Variants in CLOCK observed in about 807,000 individuals in gnomAD.
The protein encoded by CLOCK is circadian locomoter output cycles protein kaput.
Under a neutral mutation model 118.4 loss-of-function variants are expected in CLOCK, and 43 were observed. That is an observed-to-expected ratio of 0.36 (90% CI 0.28 to 0.47). The LOEUF (loss-of-function observed/expected upper bound fraction) is 0.47. Among genes scored for constraint, CLOCK ranks in the 20% least tolerant of loss-of-function variants. The probability of loss-of-function intolerance (pLI) is 1.00; values close to 1 mark genes in which losing one functional copy is unlikely to be tolerated. For synonymous variants in CLOCK, 326 were observed against 339.2 expected, an observed-to-expected ratio of 0.96 and a Z score of 0.43; for missense variants, 846 against 999.9, an observed-to-expected ratio of 0.85 and a Z score of 2.08.
chr4:55,486,478 A>C (rs1350716942), intron 3 of CLOCK: 3 of 152,118 alleles, frequency 2.0e-5, no homozygotes, highest in Non-Finnish European at 4.4e-5. Context: ...ATTCCCTGTT[A>C]CTTGTATCCT....
chr4:55,491,548 A>G (rs1727694433), intron 2 of CLOCK, among the ~76,000 whole-genome samples: 1 of 152,120 alleles, frequency 6.6e-6, no homozygotes, highest in African/African-American at 2.4e-5. Context: ...CTCAATAAAT[A>G]TACACCAACA....
rs953011175 is a variant in CLOCK at position 55,434,741 on chromosome 4, G to A, written c.*674C>T. On this transcript the variant is annotated 3_prime_UTR_variant, in exon 23 of 23. Transcript: ENST00000513440. ...ACAAAAGGAAAAACAGGATGGATCA[G>A]TTTGCACATGGTGTCAGAATTTCAG... 1 of 155,038 alleles carries A rather than the reference G, an allele frequency of 6.5e-6. No homozygotes were observed. The highest frequency in any genetic ancestry group is 2.4e-5 in the African/African-American group (1 of 41,448). The allele number at this position is 155,038 out of a possible 1,614,324, so 9.6% of individuals were successfully genotyped here. A position where few individuals can be genotyped will look rare whatever the true frequency, so the allele number is the denominator to read the frequency against.
chr4:55,502,542 C>T (rs547052510), intron 2 of CLOCK, among the ~76,000 whole-genome samples: 150 of 152,236 alleles, frequency 9.9e-4, no homozygotes, highest in Admixed American at 4.7e-3. Context: ...ATATATCACA[C>T]ATAAACCTAA....
chr4:55,537,207 G>A (rs1730960575), intron 1 of CLOCK, among the ~76,000 whole-genome samples: 1 of 152,160 alleles, frequency 6.6e-6, no homozygotes, highest in African/African-American at 2.4e-5. Flanking sequence ...AAACGGCCAG[G>A]AGTGGAGGCT....
At chr4:55,454,623 A>G (rs1724773994) in intron 13 of CLOCK, among the ~76,000 whole-genome samples, 1 of 141,454 alleles carries the variant, frequency 7.1e-6, no homozygotes, top group Non-Finnish European at 1.6e-5. Flanking sequence ...CAAAAAAAAA[A>G]AAAAAAAAAA....
rs1254923575 is a variant in CLOCK, at chr4:55,438,417, A to G, written c.2226T>C (p.Ala742=). 2 of 1,613,908 alleles carry G rather than the reference A, an allele frequency of 1.2e-6. No individual in the cohort carries two copies. The highest frequency in any genetic ancestry group is 2.2e-5 in the South Asian group (2 of 91,072). ...ATGTCTGTGACTGTTGCTGTTGTGT[A>G]GCAAAAGTAGGATATGCAGTCACCA... ...GQVVTAYPTF[A]TQQQQSQTLS... is the part of the protein sequence containing the mutation. Residue 742 remains alanine (A), a synonymous_variant, in exon 22 of 23, where the codon GCT becomes GCC. Coordinates refer to ENST00000513440, the MANE Select transcript of CLOCK (RefSeq NM_004898.4).
intron 1 of CLOCK, among the ~76,000 whole-genome samples, chr4:55,513,048 TG>T (rs1729263953): frequency 6.6e-6 from 1 of 152,148 alleles, no homozygotes; most frequent in African/African-American, 2.4e-5. Context: ...AAGTGTACAG[TG>T]TATATAAAGT....
At chr4:55,539,224 G>A (rs1194381757) in intron 1 of CLOCK, among the ~76,000 whole-genome samples, 1 of 138,588 alleles carries the variant, frequency 7.2e-6, no homozygotes, top group Non-Finnish European at 1.5e-5. Context: ...AACAGAACGA[G>A]ACTGTCTCAA....
chr4:55,451,932 T>A (rs1411451570), intron 15 of CLOCK, among the ~76,000 whole-genome samples: 1 of 152,210 alleles, frequency 6.6e-6, no homozygotes, highest in Non-Finnish European at 1.5e-5. Flanking sequence ...TTATAACATT[T>A]GTTGAATGAC....
At chr4:55,458,236 A>AT (rs1725053009) in intron 11 of CLOCK, among the ~76,000 whole-genome samples, 1 of 152,024 alleles carries the variant, frequency 6.6e-6, no homozygotes, top group Non-Finnish European at 1.5e-5. Flanking sequence ...AATTTTTTGT[A>AT]TTTTTTGTAG....
intron 1 of CLOCK, among the ~76,000 whole-genome samples, chr4:55,524,312 T>C (rs529706336): frequency 2.3e-4 from 35 of 151,988 alleles, no homozygotes; most frequent in African/African-American, 8.0e-4. Context: ...TGAGGCAGAA[T>C]TGCTTGAGCC....
At chr4:55,507,147 C>T (rs894668490) in intron 2 of CLOCK, among the ~76,000 whole-genome samples, 1 of 151,954 alleles carries the variant, frequency 6.6e-6, no homozygotes, top group African/African-American at 2.4e-5. Context: ...AACCTCATCT[C>T]TACAAAAAAT....
chr4:55,541,260 C>T (rs1196811191), intron 1 of CLOCK, among the ~76,000 whole-genome samples: 1 of 152,130 alleles, frequency 6.6e-6, no homozygotes, highest in Non-Finnish European at 1.5e-5. Flanking sequence ...ATATAAATGC[C>T]ATTATGTAAT....
intron 1 of CLOCK, among the ~76,000 whole-genome samples, chr4:55,510,945 T>C (rs1478133607): frequency 6.6e-6 from 1 of 152,172 alleles, no homozygotes; most frequent in Non-Finnish European, 1.5e-5. Context: ...GCAGAGCCCA[T>C]TTTAAACCCT....
chr4:55,439,534 C>T (rs1418932507), intron 21 of CLOCK, among the ~76,000 whole-genome samples: 1 of 152,122 alleles, frequency 6.6e-6, no homozygotes, highest in Admixed American at 6.5e-5. Context: ...AAAATGAAAG[C>T]AGGGACTCAA....
chr4:55,476,426 A>C (rs1016011428), intron 6 of CLOCK, among the ~76,000 whole-genome samples: 11 of 152,132 alleles, frequency 7.2e-5, no homozygotes, highest in African/African-American at 2.7e-4. Context: ...TTCAAATAGC[A>C]ATGTCTAGAG....
chr4:55,508,345 T>C (rs1728937552), intron 2 of CLOCK, among the ~76,000 whole-genome samples: 2 of 152,180 alleles, frequency 1.3e-5, no homozygotes, highest in African/African-American at 2.4e-5. Flanking sequence ...ATAAAAATAA[T>C]AGAAGAATCC....
intron 2 of CLOCK, among the ~76,000 whole-genome samples, chr4:55,505,722 G>A (rs1194597029): frequency 6.7e-6 from 1 of 149,152 alleles, no homozygotes; most frequent in Non-Finnish European, 1.5e-5. Context: ...ATACATAGCT[G>A]CTAAACATGT....
At chr4:55,442,148 CAG>C (rs1723423094) in intron 21 of CLOCK, 1 of 373,656 alleles carries the variant, frequency 2.7e-6, no homozygotes, top group Non-Finnish European at 4.9e-6. Flanking sequence ...CACAGTGACA[CAG>C]AGCCTGTCAT....
Sources: allele counts gnomAD v4.1 joint callset (sites outside exome capture counted in the v4.1 genomes callset), GRCh38; gene constraint gnomAD v4.1.1; transcripts MANE v1.5; gene names NCBI Gene and HGNC (gene_info 2026-07-23, HGNC 2026-07-21).